The following TMEM26 variants were observed in gnomAD, a reference collection of about 807,000 sequenced individuals.
TMEM26 encodes the protein transmembrane protein 26.
A neutral mutation model predicts 28.8 loss-of-function variants in TMEM26; 38 were observed. The ratio of observed to expected loss-of-function variants is 1.32; its 90% CI spans 1.02 to 1.73. TMEM26 has a LOEUF of 1.73. TMEM26 is among the 40% of genes most tolerant of loss of function. TMEM26 has a pLI of 0.00. For synonymous variants in TMEM26, 227 were observed against 182.9 expected (o/e 1.24, Z -1.95); for missense variants, 518 against 447.1 (o/e 1.16, Z -1.43).
chr10:61,413,778 C>T lies in TMEM26; in HGVS notation c.606-243G>A, dbSNP rs952024738. On this transcript the variant is annotated intron_variant, in intron 4 of 5. Transcript: ENST00000399298. ...ATGAATTATGACAAAGCCTCTTGGT[C>T]CCATATTGCTGTCTTTAGTTTTACA... is the stretch of plus-strand genomic sequence containing the variant. The T allele has an allele frequency of 4.3e-6, 5 of 1,152,384 alleles. No homozygotes were observed. In the African/African-American group the frequency reaches 6.4e-5, roughly 15 times the overall value. 71.4% of individuals were successfully genotyped at this position (1,152,384 alleles called of 1,614,324 possible).
intron 1 of TMEM26, among the ~76,000 whole-genome samples, chr10:61,449,693 T>C (rs1205945284): frequency 6.6e-6 from 1 of 152,208 alleles, no homozygotes; most frequent in Non-Finnish European, 1.5e-5. Context: ...CTTATATATG[T>C]ATATATTTTA....
At chr10:61,436,619 T>C (rs1840012923) in intron 1 of TMEM26, among the ~76,000 whole-genome samples, 2 of 152,226 alleles carry the variant, frequency 1.3e-5, no homozygotes, top group South Asian at 2.1e-4. Flanking sequence ...GGAGTAAATC[T>C]TGAATTTATT....
chr10:61,426,636 A>C (rs1839837631), intron 4 of TMEM26, among the ~76,000 whole-genome samples: 1 of 152,136 alleles, frequency 6.6e-6, no homozygotes, highest in Non-Finnish European at 1.5e-5. Flanking sequence ...TAAATCTATC[A>C]GCCTAAACTA....
intron 4 of TMEM26, chr10:61,415,009 CT>C: frequency 4.1e-6 from 4 of 985,326 alleles, no homozygotes; most frequent in Non-Finnish European, 4.8e-6. Context: ...GAAGGCTGTG[CT>C]TTTGATTCTT....
chr10:61,425,204 C>T (rs1171087243), intron 4 of TMEM26, among the ~76,000 whole-genome samples: 1 of 152,078 alleles, frequency 6.6e-6, no homozygotes, highest in East Asian at 1.9e-4. Flanking sequence ...TTTTGTGAGA[C>T]TCATTCACTA....
In TMEM26 at chr10:61,431,283, T is replaced by C; in HGVS notation, c.320A>G (p.Glu107Gly). ...EGTSQNTSRK[E>G]DFNQTLTSNE... ...GGATGTCAATGTTTGATTGAAGTCT[T>C]CTTTTCTGCTGGTATTCTGTGATGT... The change falls in exon 3 of 6, where the codon GAA becomes GGA. Residue 107 changes from glutamate (E) to glycine (G), a missense_variant. Coordinates refer to ENST00000399298, the MANE Select transcript of TMEM26 (RefSeq NM_178505.8). 2 of 1,613,288 alleles carry C rather than the reference T, an allele frequency of 1.2e-6. No homozygotes were observed. Among genetic ancestry groups the C allele is most frequent in the Non-Finnish European group, 1.7e-6 (2 of 1,179,400 alleles).
At position 61,410,688 on chromosome 10, in the gene TMEM26, A is replaced by G. The variant is rs1564470864; in HGVS notation, c.741T>C (p.Phe247=). 3 of 1,614,154 alleles carry G rather than the reference A, an allele frequency of 1.9e-6. No homozygotes were observed. The highest frequency in any genetic ancestry group is 1.7e-5 in the Admixed American group (1 of 60,014). The change falls in exon 6 of 6, where the codon TTT becomes TTC. Residue 247 remains phenylalanine (F), a synonymous_variant. Transcript: ENST00000399298. ...VTERGFPSLF[F]CQYSADLWNI... Reference sequence around the variant, plus strand: ...TCCACAGATCGGCACTGTACTGGCAAAAGAACAGGCTGGGGAATCCCCTCT... The same window carrying G: ...TCCACAGATCGGCACTGTACTGGCAGAAGAACAGGCTGGGGAATCCCCTCT...
rs985650750 is a variant in TMEM26 at position 61,453,135 on chromosome 10, C to G, written c.-54G>C. On this transcript the variant is annotated 5_prime_UTR_variant, in exon 1 of 6. Transcript: ENST00000399298. ...CTTGCCTGCGCCCCCAGGACCCTGC[C>G]GGGCGTGCCCGGAGCCCACCGGTGA... 6.4e-7 allele frequency: 1 copy of G among 1,565,504 alleles called. No individual in the cohort carries two copies. The highest frequency in any genetic ancestry group is 2.3e-5 in the East Asian group (1 of 44,252).
At chr10:61,411,957 T>C (rs1461942446) in intron 5 of TMEM26, among the ~76,000 whole-genome samples, 4 of 152,216 alleles carry the variant, frequency 2.6e-5, no homozygotes, top group Non-Finnish European at 5.9e-5. Flanking sequence ...TGCATAACAT[T>C]ATCACCCCTG....
intron 5 of TMEM26, among the ~76,000 whole-genome samples, 196 bp downstream of exon 5, chr10:61,413,263 T>A (rs536633994): frequency 2.0e-5 from 3 of 152,262 alleles, no homozygotes; most frequent in South Asian, 4.1e-4. Context: ...TCTACTATCT[T>A]AAGCTCACCG....
At chr10:61,417,678 T>A (rs1029570312) in intron 4 of TMEM26, among the ~76,000 whole-genome samples, 15 of 151,980 alleles carry the variant, frequency 9.9e-5, no homozygotes, top group African/African-American at 3.4e-4. Context: ...CAGGGAAATG[T>A]TAGTAATGCT....
intron 1 of TMEM26, among the ~76,000 whole-genome samples, chr10:61,438,684 T>C (rs1933445): frequency 1.3e-5 from 2 of 152,230 alleles, no homozygotes; most frequent in Admixed American, 6.5e-5. Flanking sequence ...AAACTGGTTA[T>C]ATAAACAAAC....
chr10:61,436,387 TTTA>T, intron 1 of TMEM26, 139 bp from the exon 2 acceptor site: 1 of 518,360 alleles, frequency 1.9e-6, no homozygotes, highest in Non-Finnish European at 3.4e-6. Flanking sequence ...CTTCAAAGTG[TTTA>T]TTTCAATGAA....
At chr10:61,417,379 T>C (rs1839670035) in intron 4 of TMEM26, among the ~76,000 whole-genome samples, 1 of 151,920 alleles carries the variant, frequency 6.6e-6, no homozygotes, top group South Asian at 2.1e-4. Flanking sequence ...TAAAAAGTCA[T>C]ATTTTGCCAA....
Position 61,410,238 on chromosome 10 carries a change from C to A in TMEM26, c.*84G>T, listed in dbSNP as rs1839545552. The A allele has an allele frequency of 1.4e-6, 2 of 1,389,324 alleles. No homozygotes were observed. Among genetic ancestry groups the A allele is most frequent in the Non-Finnish European group, 1.9e-6 (2 of 1,028,836 alleles). The allele number at this position is 1,389,324 out of a possible 1,614,324, so 86.1% of individuals were successfully genotyped here. A position where few individuals can be genotyped will look rare whatever the true frequency, so the allele number is the denominator to read the frequency against. On this transcript the variant is annotated 3_prime_UTR_variant, in exon 6 of 6. Coordinates refer to ENST00000399298, the MANE Select transcript of TMEM26 (RefSeq NM_178505.8). ...TTGTTCTTTTGAAAATTATTATACGCCAAGGTTGGAGGAGAAAAAGGATCC... is the reference window on the plus strand; with the variant it reads ...TTGTTCTTTTGAAAATTATTATACGACAAGGTTGGAGGAGAAAAAGGATCC...
intron 4 of TMEM26, among the ~76,000 whole-genome samples, chr10:61,419,759 G>T (rs987836308): frequency 6.6e-6 from 1 of 151,868 alleles, no homozygotes; most frequent in African/African-American, 2.4e-5. Flanking sequence ...AAAGAGAGGA[G>T]AAAATATTTA....
intron 4 of TMEM26, among the ~76,000 whole-genome samples, chr10:61,419,796 G>GA (rs931162007): frequency 1.2e-4 from 18 of 151,628 alleles, no homozygotes; most frequent in African/African-American, 3.6e-4. Flanking sequence ...AAATTTTGAG[G>GA]AAAAAAACAT....
At chr10:61,418,731 A>C (rs975413963) in intron 4 of TMEM26, among the ~76,000 whole-genome samples, 10 of 152,092 alleles carry the variant, frequency 6.6e-5, no homozygotes, top group Admixed American at 5.3e-4. Context: ...CTGCAGTCCT[A>C]GTTGGAGTGG....
intron 1 of TMEM26, among the ~76,000 whole-genome samples, chr10:61,449,360 A>G (rs544808474): frequency 8.5e-5 from 13 of 152,316 alleles, no homozygotes; most frequent in African/African-American, 2.6e-4. Context: ...AACAAATCAA[A>G]CCTCTCCAAC....
Sources: gnomAD v4.1 joint callset for allele counts (sites outside exome capture counted in the v4.1 genomes callset) on GRCh38, gnomAD v4.1.1 for gene constraint, MANE v1.5 for transcripts, NCBI Gene and HGNC (gene_info 2026-07-23, HGNC 2026-07-21) for gene names.